Variants in TUSC3 observed in about 807,000 individuals in gnomAD.
TUSC3 encodes tumor suppressor candidate 3, also known as dolichyl-diphosphooligosaccharide--protein glycosyltransferase subunit TUSC3.
TUSC3 carries 45 observed loss-of-function variants against 44.8 expected under a neutral mutation model. The observed-to-expected ratio is 1.00, with a 90% CI of 0.79 to 1.29. The LOEUF is 1.29. Ranked by LOEUF, TUSC3 falls within the 50% of genes most tolerant of loss-of-function variation. TUSC3 has a pLI of 0.00. For synonymous variants in TUSC3, 212 were observed against 152.9 expected (o/e 1.39, Z -2.85); for missense variants, 519 against 437.9 (o/e 1.19, Z -1.65).
chr8:15,517,277 G>A (rs764749432), intron 2 of TUSC3, among the ~76,000 whole-genome samples: 14 of 151,952 alleles, frequency 9.2e-5, no homozygotes, highest in South Asian at 2.1e-4. Flanking sequence ...AAAAATTTAC[G>A]CCCATAGCTA....
At chr8:15,515,982 C>T (rs976596547) in intron 2 of TUSC3, among the ~76,000 whole-genome samples, 1 of 152,072 alleles carries the variant, frequency 6.6e-6, no homozygotes, top group African/African-American at 2.4e-5. Context: ...AAATTATATT[C>T]TGTAAAAATT....
chr8:15,539,916 C>T (rs1801615573), upstream of TUSC3, among the ~76,000 whole-genome samples: 1 of 152,030 alleles, frequency 6.6e-6, no homozygotes, highest in Admixed American at 6.6e-5. Flanking sequence ...GAGCTGTGTT[C>T]CTAATAATGA....
At chr8:15,703,159 A>G (rs1465961217) in intron 6 of TUSC3, among the ~76,000 whole-genome samples, 2 of 152,178 alleles carry the variant, frequency 1.3e-5, no homozygotes, top group Admixed American at 6.5e-5. Context: ...GGAAGAAAGT[A>G]TCTTTCTAAA....
the TUSC3 span, among the ~76,000 whole-genome samples, chr8:15,841,164 G>GTT: frequency 6.6e-6 from 1 of 151,340 alleles, no homozygotes; most frequent in East Asian, 2.0e-4. Context: ...ACAGCTATAT[G>GTT]TTTTATATAT....
At chr8:15,737,410 G>A (rs549792208) in intron 7 of TUSC3, among the ~76,000 whole-genome samples, 16 of 152,200 alleles carry the variant, frequency 1.1e-4, no homozygotes, top group Middle Eastern at 3.4e-3. Context: ...AATGCTCAGT[G>A]CCTCTGGGTA....
chr8:15,649,911 A>T (rs1013748377), intron 2 of TUSC3, among the ~76,000 whole-genome samples: 1 of 152,132 alleles, frequency 6.6e-6, no homozygotes, highest in Non-Finnish European at 1.5e-5. Flanking sequence ...AAGCAATTTT[A>T]TTTTTTAAAA....
chr8:15,550,713 C>T (rs186598493), intron 1 of TUSC3, among the ~76,000 whole-genome samples: 1 of 151,236 alleles, frequency 6.6e-6, no homozygotes, highest in African/African-American at 2.4e-5. Flanking sequence ...TCACTGTCAC[C>T]CAGGTTGGAG....
chr8:15,437,260 C>T lies in TUSC3; in HGVS notation n.91+19955C>T, dbSNP rs185927448. Among the ~76,000 whole-genome samples, 76 of 152,254 alleles carry T rather than the reference C, an allele frequency of 5.0e-4. 1 individual carries two copies. Among genetic ancestry groups the T allele is most frequent in the African/African-American group, 1.7e-3 (70 of 41,548 alleles). On this transcript the variant is annotated intron_variant and non_coding_transcript_variant, in intron 1 of 5. Transcript: ENST00000503191. ...TGGGCAAAACTTTTCCAGCAATTCA[C>T]ATGTACCATTTATTTCATCAGATAA...
At chr8:15,786,921 G>C in the TUSC3 span, among the ~76,000 whole-genome samples, 14 of 133,694 alleles carry the variant, frequency 1.0e-4, no homozygotes, top group African/African-American at 3.5e-4. Flanking sequence ...TCCAGCCTGG[G>C]CAACAGAGGG....
At chr8:15,818,569 G>C in the TUSC3 span, among the ~76,000 whole-genome samples, 1 of 152,178 alleles carries the variant, frequency 6.6e-6, no homozygotes, top group Non-Finnish European at 1.5e-5. Flanking sequence ...CTAAAGAGTA[G>C]AGAAATCTTT....
the TUSC3 span, among the ~76,000 whole-genome samples, chr8:15,840,112 C>T: frequency 6.6e-6 from 1 of 152,112 alleles, no homozygotes; most frequent in Admixed American, 6.6e-5. Context: ...TCATTCTCAG[C>T]AAACTATCGC....
intron 1 of TUSC3, among the ~76,000 whole-genome samples, chr8:15,476,334 A>G (rs546759037): frequency 1.7e-4 from 26 of 152,156 alleles, no homozygotes; most frequent in Non-Finnish European, 3.1e-4. Flanking sequence ...GCGTTCTATT[A>G]TACTTTATCC....
At chr8:15,465,365 G>A (rs1169291034) in intron 1 of TUSC3, among the ~76,000 whole-genome samples, 1 of 152,122 alleles carries the variant, frequency 6.6e-6, no homozygotes, top group African/African-American at 2.4e-5. Flanking sequence ...GTAGGGAGAG[G>A]TTAAAAAAGA....
At chr8:15,776,197 T>C in the TUSC3 span, among the ~76,000 whole-genome samples, 1 of 152,158 alleles carries the variant, frequency 6.6e-6, no homozygotes, top group Non-Finnish European at 1.5e-5. Flanking sequence ...TTCAGCCTAA[T>C]TTTAAAGCTA....
At chr8:15,789,432 T>C in the TUSC3 span, among the ~76,000 whole-genome samples, 3 of 152,162 alleles carry the variant, frequency 2.0e-5, no homozygotes, top group Admixed American at 6.5e-5. Flanking sequence ...TTTTTAATTG[T>C]AGGTTCATTT....
intron 1 of TUSC3, among the ~76,000 whole-genome samples, chr8:15,608,473 G>A (rs1363762663): frequency 6.6e-6 from 1 of 152,094 alleles, no homozygotes; most frequent in Admixed American, 6.6e-5. Flanking sequence ...CACATGAAGT[G>A]TGATGTAAGA....
At chr8:15,775,281 C>T in the TUSC3 span, among the ~76,000 whole-genome samples, 3 of 151,830 alleles carry the variant, frequency 2.0e-5, no homozygotes, top group East Asian at 1.9e-4. Flanking sequence ...AAAGCAGATG[C>T]GTGGTTGCCA....
At chr8:15,800,585 AAAAG>A in the TUSC3 span, among the ~76,000 whole-genome samples, 14 of 151,960 alleles carry the variant, frequency 9.2e-5, no homozygotes, top group East Asian at 9.7e-4. Context: ...AAAAAAAAAA[AAAAG>A]AAAGAAAGAA....
intron 6 of TUSC3, among the ~76,000 whole-genome samples, chr8:15,702,905 A>T (rs1329059415): frequency 6.6e-6 from 1 of 152,124 alleles, no homozygotes; most frequent in Admixed American, 6.6e-5. Context: ...AGTGATTGAG[A>T]GTTTCAGAAA....
Sources: gnomAD v4.1 joint callset for allele counts (sites outside exome capture counted in the v4.1 genomes callset) on GRCh38, gnomAD v4.1.1 for gene constraint, MANE v1.5 for transcripts, NCBI Gene and HGNC (gene_info 2026-07-23, HGNC 2026-07-21) for gene names.